WDR27: variants seen among roughly 807,000 people sequenced by gnomAD.
WDR27 encodes WD repeat-containing protein 27.
In WDR27, 100 loss-of-function variants were observed where a neutral mutation model predicts 114.4. The observed-to-expected ratio is 0.87, with a 90% CI of 0.74 to 1.03. WDR27 has a LOEUF of 1.03. WDR27 is among the 50% of genes least tolerant of loss of function. WDR27 has a pLI of 0.00. For synonymous variants in WDR27, 449 were observed against 423.1 expected, an observed-to-expected ratio of 1.06 and a Z score of -0.75; for missense variants, 1,129 against 1,092.9, an observed-to-expected ratio of 1.03 and a Z score of -0.47.
At chr6:169,656,689 G>A (rs113941041) in intron 13 of WDR27, among the ~76,000 whole-genome samples, 54 of 152,116 alleles carry the variant, frequency 3.5e-4, no homozygotes, top group South Asian at 8.4e-4. Flanking sequence ...AGGAGGAGGC[G>A]ACAGCTCCCA....
At chr6:169,444,206 G>A in the WDR27 span, among the ~76,000 whole-genome samples, 7 of 152,190 alleles carry the variant, frequency 4.6e-5, no homozygotes, top group African/African-American at 7.2e-5. Flanking sequence ...AAACTTACGC[G>A]CTCCTGGCCT....
At chr6:169,533,418 A>G (rs1235989249) in intron 25 of WDR27, among the ~76,000 whole-genome samples, 10 of 152,212 alleles carry the variant, frequency 6.6e-5, no homozygotes, top group Non-Finnish European at 1.5e-4. Flanking sequence ...GGAAATAACA[A>G]AAGTGACTAA....
intron 13 of WDR27, among the ~76,000 whole-genome samples, chr6:169,653,145 A>G (rs895947001): frequency 6.6e-6 from 1 of 152,286 alleles, no homozygotes. Flanking sequence ...CATGGAGCCC[A>G]CTCTCACAGG....
intron 1 of WDR27, among the ~76,000 whole-genome samples, chr6:169,694,142 T>G (rs946748939): frequency 1.3e-5 from 2 of 152,068 alleles, no homozygotes; most frequent in Admixed American, 1.3e-4. Flanking sequence ...ACCCCCTCTC[T>G]ACTAAAAATA....
chr6:169,530,481 C>G (rs1795455175), intron 25 of WDR27, among the ~76,000 whole-genome samples: 1 of 152,236 alleles, frequency 6.6e-6, no homozygotes, highest in African/African-American at 2.4e-5. Context: ...GCTGCACACA[C>G]TAGGGCCTCC....
intron 25 of WDR27, among the ~76,000 whole-genome samples, chr6:169,506,573 G>T (rs907845458): frequency 1.3e-5 from 2 of 152,204 alleles, no homozygotes; most frequent in Non-Finnish European, 2.9e-5. Context: ...TTCCAAGAAT[G>T]AAAGAAAGCC....
chr6:169,697,945 A>C (rs1018500370), intron 1 of WDR27, among the ~76,000 whole-genome samples: 1 of 152,122 alleles, frequency 6.6e-6, no homozygotes, highest in Non-Finnish European at 1.5e-5. Context: ...GCGCACGGGG[A>C]GAGACCCACT....
At chr6:169,669,326 C>T (rs546191396) in intron 4 of WDR27, among the ~76,000 whole-genome samples, 7 of 152,170 alleles carry the variant, frequency 4.6e-5, no homozygotes, top group Non-Finnish European at 7.3e-5. Context: ...TCAGTTGACA[C>T]GCCTGCTGCT....
chr6:169,459,450 T>C (rs1449701764), intron 25 of WDR27, among the ~76,000 whole-genome samples: 1 of 151,944 alleles, frequency 6.6e-6, no homozygotes, highest in Admixed American at 6.6e-5. Context: ...TGGGACACCA[T>C]CAAAGGGACC....
At chr6:169,483,398 T>A (rs184556122) in intron 25 of WDR27, among the ~76,000 whole-genome samples, 2 of 152,244 alleles carry the variant, frequency 1.3e-5, no homozygotes, top group East Asian at 3.9e-4. Flanking sequence ...CCTCTATGCA[T>A]ACGAACTAGA....
At chr6:169,428,934 G>A in the WDR27 span, among the ~76,000 whole-genome samples, 1 of 152,168 alleles carries the variant, frequency 6.6e-6, no homozygotes, top group South Asian at 2.1e-4. Context: ...CGGCAGCCAC[G>A]GTTGTCCTCA....
chr6:169,429,978 G>A, the WDR27 span, among the ~76,000 whole-genome samples: 1 of 152,212 alleles, frequency 6.6e-6, no homozygotes, highest in African/African-American at 2.4e-5. Context: ...TTCCCTTCGA[G>A]TTGTGTTTCC....
At chr6:169,449,681 G>C in the WDR27 span, among the ~76,000 whole-genome samples, 3 of 152,210 alleles carry the variant, frequency 2.0e-5, no homozygotes, top group Admixed American at 6.5e-5. Flanking sequence ...AGAAGGATAG[G>C]AGAGGGATGC....
intron 16 of WDR27, among the ~76,000 whole-genome samples, chr6:169,644,364 G>C (rs868500132): frequency 6.6e-6 from 1 of 151,446 alleles, no homozygotes; most frequent in Non-Finnish European, 1.5e-5. Context: ...TAGTTCATAC[G>C]AGTCACACTG....
At chr6:169,453,043 G>A (rs1414073515), downstream of WDR27, among the ~76,000 whole-genome samples, 1 of 152,220 alleles carries the variant, frequency 6.6e-6, no homozygotes, top group Non-Finnish European at 1.5e-5. Flanking sequence ...GGCTGCAAGG[G>A]CACGGCCCCC....
At chr6:169,664,610 G>A (rs1827263007) in intron 7 of WDR27, 1 of 1,155,156 alleles carries the variant, frequency 8.7e-7, no homozygotes, top group Non-Finnish European at 1.1e-6. Flanking sequence ...CAGCTTCACA[G>A]CCAAGAGCAC....
Position 169,474,488 on chromosome 6 carries a change from T to C in WDR27, c.2646-16854A>G, listed in dbSNP as rs1205637450. Reference sequence around the variant, plus strand: ...TATAATAGAAATACAAGTGAAGTCATTGATGATAAACATTTAATTCATGGG... The same window carrying C: ...TATAATAGAAATACAAGTGAAGTCACTGATGATAAACATTTAATTCATGGG... On this transcript the variant is annotated intron_variant, in intron 25 of 25. Coordinates refer to ENST00000448612, the MANE Select transcript of WDR27 (RefSeq NM_182552.5). 3.3e-5 allele frequency among the ~76,000 whole-genome samples: 5 copies of C among 152,332 alleles called. No individual in the cohort carries two copies. In the South Asian group the frequency reaches 8.3e-4, roughly 25 times the overall value.
chr6:169,530,337 T>C (rs750876820), intron 25 of WDR27, among the ~76,000 whole-genome samples: 3 of 152,220 alleles, frequency 2.0e-5, no homozygotes, highest in Non-Finnish European at 4.4e-5. Context: ...GAAACCCCCA[T>C]GACCTTTCAA....
chr6:169,652,246 TTTGTTG>T (rs543638663), intron 13 of WDR27, among the ~76,000 whole-genome samples: 2 of 152,040 alleles, frequency 1.3e-5, no homozygotes, highest in Non-Finnish European at 2.9e-5. Flanking sequence ...TTGTTGTTGT[TTTGTTG>T]TTGTTGTTGT....
Sources: allele counts gnomAD v4.1 joint callset (sites outside exome capture counted in the v4.1 genomes callset), GRCh38; gene constraint gnomAD v4.1.1; transcripts MANE v1.5; gene names NCBI Gene and HGNC (gene_info 2026-07-23, HGNC 2026-07-21).